The following RNF144B variants were observed in gnomAD, a reference collection of about 807,000 sequenced individuals.
The protein encoded by RNF144B is E3 ubiquitin-protein ligase RNF144B.
RNF144B carries 25 observed loss-of-function variants against 40.2 expected under a neutral mutation model. The observed-to-expected ratio is 0.62, with a 90% CI of 0.45 to 0.87. The LOEUF (loss-of-function observed/expected upper bound fraction) is 0.87. RNF144B is among the 40% of genes least tolerant of loss of function. The probability of loss-of-function intolerance (pLI) is 0.00; values close to 1 mark genes in which losing one functional copy is unlikely to be tolerated. For missense variants in RNF144B, 365 were observed against 373.7 expected, an observed-to-expected ratio of 0.98 and a Z score of 0.19; for synonymous variants, 145 against 136.3, an observed-to-expected ratio of 1.06 and a Z score of -0.44.
chr6:18,438,560 A>G (rs949737215), intron 3 of RNF144B, among the ~76,000 whole-genome samples: 5 of 152,206 alleles, frequency 3.3e-5, no homozygotes, highest in Non-Finnish European at 7.3e-5. Context: ...ATTTAGATTC[A>G]TTTGCGAAAT....
At chr6:18,387,657 T>G (rs1405745645) in intron 1 of RNF144B, 27 bp downstream of exon 1, 1 of 1,290,256 alleles carries the variant, frequency 7.8e-7, no homozygotes, top group South Asian at 1.2e-5. Flanking sequence ...TTTTAAAGGC[T>G]ACAGGCGTTG....
At chr6:18,409,375 CAAAAAAAAAAAAAA>C (rs770011648) in intron 2 of RNF144B, among the ~76,000 whole-genome samples, 1 of 59,556 alleles carries the variant, frequency 1.7e-5, no homozygotes, top group African/African-American at 7.8e-5. Flanking sequence ...GAGACTGTCT[CAAAAAAAAAAAAAA>C]AAAAAAAAAA....
rs1272852315 is a variant in RNF144B at position 18,460,305 on chromosome 6, C to G, written c.681+554C>G. On this transcript the variant is annotated intron_variant, in intron 6 of 7. Coordinates refer to ENST00000259939, the MANE Select transcript of RNF144B (RefSeq NM_182757.4). The surrounding 1 kb of genome is among the most constrained non-coding windows in gnomAD (Gnocchi z 4.4). ...ATCTCTCACTCCCTTCTTTCTTAGT[C>G]GTTGCTCCCTCTGACCACAGCTGGG... Among the ~76,000 whole-genome samples the G allele has an allele frequency of 6.6e-6, 1 of 152,198 alleles. No individual in the cohort carries two copies. The highest frequency in any genetic ancestry group is 1.9e-4 in the East Asian group (1 of 5,188).
chr6:18,427,804 T>C, intron 3 of RNF144B, 119 bp downstream of exon 3: 1 of 650,586 alleles, frequency 1.5e-6, no homozygotes, highest in South Asian at 2.0e-5. Flanking sequence ...GTTAACTTTT[T>C]AAAGGAGCAC....
At chr6:18,390,825 G>A (rs1030880381) in intron 1 of RNF144B, among the ~76,000 whole-genome samples, 1 of 152,144 alleles carries the variant, frequency 6.6e-6, no homozygotes, top group Non-Finnish European at 1.5e-5. Flanking sequence ...AGTAGGAGCT[G>A]GGTTTAATCA....
chr6:18,438,328 G>A (rs1358258590), intron 3 of RNF144B, among the ~76,000 whole-genome samples: 3 of 152,132 alleles, frequency 2.0e-5, no homozygotes, highest in Non-Finnish European at 4.4e-5. Context: ...ACTGTTGAAA[G>A]AACTATGGTA....
Position 18,399,682 on chromosome 6 carries a change from T to G in RNF144B, c.148T>G (p.Cys50Gly), listed in dbSNP as rs1025258409. Residue 50 changes from cysteine (C) to glycine (G), a missense_variant, in exon 2 of 8, where the codon TGC becomes GGC. Physicochemically the swap from Cys to Gly is radical, Grantham distance 159. Transcript: ENST00000259939. ...DKMTTLQECQ[C>G]IFCTACLKQY... ...GATGACCACACTCCAGGAATGCCAG[T>G]GCATCTTTTGCACAGCTGTGAGTTT... 5.0e-6 allele frequency: 8 copies of G among 1,613,656 alleles called. No individual in the cohort carries two copies. The highest frequency in any genetic ancestry group is 5.9e-6 in the Non-Finnish European group (7 of 1,179,728).
Position 18,457,763 on chromosome 6 carries a change from A to C in RNF144B, c.536+404A>C, listed in dbSNP as rs2113535588. On this transcript the variant is annotated intron_variant, in intron 5 of 7. Coordinates refer to ENST00000259939, the MANE Select transcript of RNF144B (RefSeq NM_182757.4). This position sits in a 1 kb window ranked among gnomAD's most constrained non-coding sequence, Gnocchi z 5.1. ...TCTTACCTGACTAAATTGCCAGCTC[A>C]TGATGTGTGACAGTCATATTAGAAA... Among the ~76,000 whole-genome samples the C allele has an allele frequency of 6.6e-6, 1 of 152,320 alleles. No homozygotes were observed. The highest frequency in any genetic ancestry group is 2.4e-5 in the African/African-American group (1 of 41,574).
chr6:18,448,716 A>ACACACC lies in RNF144B; in HGVS notation c.332-8438_332-8437insACACCC, dbSNP rs765398332. The stretch of plus-strand genomic sequence containing the variant: ...CACACACACACACACACACACACAC[A>ACACACC]CCCCACCCCCAAGATAGAACCAGCA... On this transcript the variant is annotated intron_variant, in intron 4 of 7. Coordinates refer to ENST00000259939, the MANE Select transcript of RNF144B (RefSeq NM_182757.4). The surrounding 1 kb of genome is among the most constrained non-coding windows in gnomAD (Gnocchi z 4.0). 2.4e-4 allele frequency among the ~76,000 whole-genome samples: 36 copies of ACACACC among 147,732 alleles called. No individual in the cohort carries two copies. The highest frequency in any genetic ancestry group is 2.9e-4 in the Non-Finnish European group (19 of 66,416).
Position 18,468,430 on chromosome 6 carries a change from A to C in RNF144B, c.*3363A>C. The C allele has an allele frequency of 6.6e-6, 1 of 152,168 alleles. No homozygotes were observed. The highest frequency in any genetic ancestry group is 1.9e-4 in the East Asian group (1 of 5,196). 9.4% of individuals were successfully genotyped at this position (152,168 alleles called of 1,614,324 possible). On this transcript the variant is annotated 3_prime_UTR_variant, in exon 8 of 8. Coordinates refer to ENST00000259939, the MANE Select transcript of RNF144B (RefSeq NM_182757.4). ...TTTGAAAAACAAATAATTCTGTGTG[A>C]ATTTTCTTGTAGCGTGCTTCATGAA...
chr6:18,406,232 G>A lies in RNF144B; in HGVS notation c.165+6533G>A. 1 of 501,904 alleles carries A rather than the reference G, an allele frequency of 2.0e-6. No homozygotes were observed. The highest frequency in any genetic ancestry group is 1.4e-5 in the South Asian group (1 of 69,160). The allele number at this position is 501,904 out of a possible 1,614,324, so 31.1% of individuals were successfully genotyped here. On this transcript the variant is annotated intron_variant, in intron 2 of 7. Transcript: ENST00000259939. The surrounding 1 kb of genome is among the most constrained non-coding windows in gnomAD (Gnocchi z 4.2). ...TGCTATGGAAAAATAGGGTGAGGGG[G>A]GTCAGGAGTGCTGTGGGGAAGAGGG...
chr6:18,421,774 C>A (rs1758434242), intron 2 of RNF144B, among the ~76,000 whole-genome samples: 1 of 152,138 alleles, frequency 6.6e-6, no homozygotes, highest in African/African-American at 2.4e-5. Flanking sequence ...GCGAGCTGGG[C>A]CTTAGGGTGC....
At chr6:18,421,311 CACACATAT>C (rs1758418653) in intron 2 of RNF144B, among the ~76,000 whole-genome samples, 2 of 132,672 alleles carry the variant, frequency 1.5e-5, no homozygotes, top group Admixed American at 7.8e-5. Context: ...CACACACACA[CACACATAT>C]ATATAAAATA....
Position 18,419,403 on chromosome 6 carries a change from G to A in RNF144B, c.166-8178G>A, listed in dbSNP as rs376720731. ...AATAGGCAGTGGACTAGCACAACTG[G>A]TTCTATATAGCAAATGAGGCGACCC... is the stretch of plus-strand genomic sequence containing the variant. On this transcript the variant is annotated intron_variant, in intron 2 of 7. Transcript: ENST00000259939. The surrounding 1 kb of genome is among the most constrained non-coding windows in gnomAD (Gnocchi z 4.6). Among the ~76,000 whole-genome samples the A allele has an allele frequency of 3.9e-5, 6 of 152,246 alleles. No individual in the cohort carries two copies. The East Asian group carries it at 9.6e-4, about 24-fold the overall frequency.
intron 1 of RNF144B, chr6:18,396,919 T>A: frequency 3.2e-6 from 2 of 634,122 alleles, no homozygotes; most frequent in Non-Finnish European, 3.9e-6. Context: ...TATTTGAATT[T>A]AATTTGCTCT....
chr6:18,391,754 G>T (rs553972634), intron 1 of RNF144B, among the ~76,000 whole-genome samples: 24 of 151,738 alleles, frequency 1.6e-4, no homozygotes, highest in African/African-American at 4.8e-4. Flanking sequence ...TGTAGTCCCA[G>T]CTACTCGGGA....
Position 18,433,272 on chromosome 6 carries a change from A to G in RNF144B, c.270+5587A>G, listed in dbSNP as rs1218865151. On this transcript the variant is annotated intron_variant, in intron 3 of 7. Transcript: ENST00000259939. ...GGGAAGGGATGAGTGTGTCTGTAAT[A>G]ACCTTTGGCTGCAATACGTGTTGGC... Among the ~76,000 whole-genome samples the G allele has an allele frequency of 2.0e-5, 3 of 152,186 alleles. 1 individual carries two copies. The highest frequency in any genetic ancestry group is 7.2e-5 in the African/African-American group (3 of 41,456).
Position 18,434,288 on chromosome 6 carries a change from C to T in RNF144B, c.271-5396C>T, listed in dbSNP as rs749865656. Among the ~76,000 whole-genome samples, 1 of 152,190 alleles carries T rather than the reference C, an allele frequency of 6.6e-6. No homozygotes were observed. Among genetic ancestry groups the T allele is most frequent in the Non-Finnish European group, 1.5e-5 (1 of 68,042 alleles). ...TATTAACACTTCATATGGGAACACA[C>T]ACCACTTTTGGCATAAATACTTTTG... On this transcript the variant is annotated intron_variant, in intron 3 of 7. Coordinates refer to ENST00000259939, the MANE Select transcript of RNF144B (RefSeq NM_182757.4). The surrounding 1 kb of genome is among the most constrained non-coding windows in gnomAD (Gnocchi z 4.1).
Position 18,444,430 on chromosome 6 carries a change from G to A in RNF144B, c.331+4686G>A, listed in dbSNP as rs903295533. On this transcript the variant is annotated intron_variant, in intron 4 of 7. Coordinates refer to ENST00000259939, the MANE Select transcript of RNF144B (RefSeq NM_182757.4). The surrounding 1 kb of genome is among the most constrained non-coding windows in gnomAD (Gnocchi z 4.3). ...GATGATTAATGCAAGAATTTTTCTT[G>A]CCTCTTGTTTCCAGAGTCTACTTTT... is the stretch of plus-strand genomic sequence containing the variant. Among the ~76,000 whole-genome samples, 2 of 152,026 alleles carry A rather than the reference G, an allele frequency of 1.3e-5. No individual in the cohort carries two copies. Among genetic ancestry groups the A allele is most frequent in the African/African-American group, 4.8e-5 (2 of 41,418 alleles).
Sources: allele counts gnomAD v4.1 joint callset (sites outside exome capture counted in the v4.1 genomes callset), GRCh38; gene constraint gnomAD v4.1.1; non-coding constraint Gnocchi (gnomAD v3.1); transcripts MANE v1.5; gene names NCBI Gene and HGNC (gene_info 2026-07-23, HGNC 2026-07-21).